The following C12orf42 variants were observed in gnomAD, a reference collection of about 807,000 sequenced individuals.
C12orf42 encodes the protein uncharacterized protein C12orf42.
Under a neutral mutation model 21.6 loss-of-function variants are expected in C12orf42, and 25 were observed. That is an observed-to-expected ratio of 1.16 (90% confidence interval 0.84 to 1.62). The LOEUF is 1.62. C12orf42 is among the 40% of genes most tolerant of loss of function. C12orf42 has a pLI of 0.00. For synonymous variants in C12orf42, 174 were observed against 175.0 expected (o/e 0.99, Z 0.05); for missense variants, 483 against 459.3 (o/e 1.05, Z -0.47).
intron 4 of C12orf42, among the ~76,000 whole-genome samples, chr12:103,318,903 G>C (rs1351625870): frequency 6.6e-6 from 1 of 152,168 alleles, no homozygotes; most frequent in Non-Finnish European, 1.5e-5. Context: ...GCAGTATTTT[G>C]CATGCAATTA....
the C12orf42 span, among the ~76,000 whole-genome samples, chr12:103,145,330 T>C: frequency 6.6e-6 from 1 of 152,276 alleles, no homozygotes; most frequent in Non-Finnish European, 1.5e-5. Context: ...CCTTTGTCAA[T>C]CTCAAAGAGC....
downstream of C12orf42, among the ~76,000 whole-genome samples, chr12:103,297,261 A>G (rs985810352): frequency 6.6e-6 from 1 of 152,158 alleles, no homozygotes; most frequent in African/African-American, 2.4e-5. Context: ...TGGTTACTGT[A>G]GCCTTGTAGT....
At chr12:103,528,693 T>C in the C12orf42 span, among the ~76,000 whole-genome samples, 8 of 152,214 alleles carry the variant, frequency 5.3e-5, no homozygotes, top group African/African-American at 1.7e-4. Context: ...ATGCCCAATC[T>C]AGAACTTTTC....
At chr12:103,513,950 A>C in the C12orf42 span, among the ~76,000 whole-genome samples, 1 of 152,242 alleles carries the variant, frequency 6.6e-6, no homozygotes, top group African/African-American at 2.4e-5. Context: ...TGGTGTATTA[A>C]TCCATTCTCA....
intron 10 of C12orf42, among the ~76,000 whole-genome samples, chr12:103,244,996 A>G (rs2033942271): frequency 6.6e-6 from 1 of 152,126 alleles, no homozygotes; most frequent in South Asian, 2.1e-4. Flanking sequence ...AAGGGGGAAA[A>G]CAAGGAAAGA....
At chr12:103,120,751 A>G in the C12orf42 span, among the ~76,000 whole-genome samples, 1 of 148,936 alleles carries the variant, frequency 6.7e-6, no homozygotes, top group African/African-American at 2.4e-5. Context: ...TACTATAATT[A>G]TTATTCTATT....
the C12orf42 span, among the ~76,000 whole-genome samples, chr12:103,049,108 G>A: frequency 6.6e-6 from 1 of 152,110 alleles, no homozygotes; most frequent in Non-Finnish European, 1.5e-5. Flanking sequence ...ATATATCTAT[G>A]GCTCAGACCT....
chr12:103,075,687 C>T, the C12orf42 span, among the ~76,000 whole-genome samples: 1 of 152,110 alleles, frequency 6.6e-6, no homozygotes, highest in South Asian at 2.1e-4. Context: ...GTTCCTTTAG[C>T]CTCAGCCAAT....
intron 4 of C12orf42, among the ~76,000 whole-genome samples, chr12:103,348,481 T>C (rs1160004353): frequency 6.6e-6 from 1 of 152,340 alleles, no homozygotes; most frequent in Admixed American, 6.5e-5. Context: ...AAATGACATC[T>C]GTACAACATG....
chr12:103,186,174 G>A, the C12orf42 span, among the ~76,000 whole-genome samples: 14 of 152,196 alleles, frequency 9.2e-5, no homozygotes, highest in Admixed American at 6.5e-5. Context: ...GATATAGACT[G>A]TGGAACTAGG....
chr12:103,210,643 T>TC, the C12orf42 span, among the ~76,000 whole-genome samples: 2 of 148,150 alleles, frequency 1.3e-5, no homozygotes, highest in East Asian at 3.9e-4. Context: ...CTATTTCTTT[T>TC]TTTTTTTTTT....
intron 2 of C12orf42, among the ~76,000 whole-genome samples, chr12:103,453,240 T>C (rs1052122634): frequency 6.6e-6 from 1 of 151,314 alleles, no homozygotes; most frequent in African/African-American, 2.4e-5. Flanking sequence ...TAGATTATTA[T>C]TTATCTTATA....
intron 4 of C12orf42, among the ~76,000 whole-genome samples, chr12:103,355,450 C>T (rs1490849426): frequency 1.3e-5 from 2 of 152,096 alleles, no homozygotes; most frequent in African/African-American, 2.4e-5. Flanking sequence ...GTCATTGACC[C>T]GCCCATCTGA....
the C12orf42 span, among the ~76,000 whole-genome samples, chr12:103,169,498 A>G: frequency 1.3e-5 from 2 of 152,290 alleles, no homozygotes; most frequent in South Asian, 4.1e-4. Context: ...TAAATGAGGT[A>G]CAGAGAAGAC....
chr12:103,221,903 C>T, the C12orf42 span, among the ~76,000 whole-genome samples: 115 of 152,296 alleles, frequency 7.6e-4, no homozygotes, highest in African/African-American at 2.7e-3. Context: ...TTGTCTTCTT[C>T]ATTGAACTCC....
the C12orf42 span, among the ~76,000 whole-genome samples, chr12:103,085,856 C>G: frequency 6.6e-6 from 1 of 152,168 alleles, no homozygotes; most frequent in Non-Finnish European, 1.5e-5. Flanking sequence ...GATAATACTT[C>G]TGTTATTCAG....
the C12orf42 span, among the ~76,000 whole-genome samples, chr12:103,506,976 A>T: frequency 2.0e-3 from 1 of 500 alleles, no homozygotes; most frequent in Non-Finnish European, 7.7e-3. Context: ...TATATAAAAT[A>T]TATATATTAT....
chr12:103,375,438 T>G (rs1329256081), intron 3 of C12orf42, among the ~76,000 whole-genome samples: 1 of 152,160 alleles, frequency 6.6e-6, no homozygotes, highest in African/African-American at 2.4e-5. Flanking sequence ...CTTCTCAAAG[T>G]AAAAATTATC....
chr12:103,226,805 G>GGTTGGTACT, the C12orf42 span, among the ~76,000 whole-genome samples: 1 of 152,142 alleles, frequency 6.6e-6, no homozygotes, highest in Non-Finnish European at 1.5e-5. Flanking sequence ...CGACGCTTGT[G>GGTTGGTACT]GTTGGTACTG....
Sources: gnomAD v4.1 joint callset for allele counts (sites outside exome capture counted in the v4.1 genomes callset) on GRCh38, gnomAD v4.1.1 for gene constraint, MANE v1.5 for transcripts, NCBI Gene and HGNC (gene_info 2026-07-23, HGNC 2026-07-21) for gene names.